BAIAP2: variants seen among roughly 807,000 people sequenced by gnomAD.
BAIAP2 encodes the protein BAR/IMD domain-containing adapter protein 2.
A neutral mutation model predicts 63.0 loss-of-function variants in BAIAP2; 18 were observed. The ratio of observed to expected loss-of-function variants is 0.29; its 90% CI spans 0.20 to 0.42. The LOEUF is 0.42. BAIAP2 is among the 10% of genes least tolerant of loss of function. The probability of loss-of-function intolerance (pLI) is 1.00; values close to 1 mark genes in which losing one functional copy is unlikely to be tolerated. For synonymous variants in BAIAP2, 386 were observed against 307.6 expected, an observed-to-expected ratio of 1.25 and a Z score of -2.67; for missense variants, 610 against 734.3, an observed-to-expected ratio of 0.83 and a Z score of 1.96.
Position 81,092,695 on chromosome 17 carries a change from G to A in BAIAP2, c.489+6115G>A, listed in dbSNP as rs188322914. Among the ~76,000 whole-genome samples the A allele has an allele frequency of 7.9e-5, 12 of 152,162 alleles. No individual in the cohort carries two copies. In the East Asian group the frequency reaches 1.4e-3, roughly 17 times the overall value. ...CGTAAGGGGCCCGGCCCGGAGCACC[G>A]CCCTGACGGCCTTGGGCAGCGGCAC... On this transcript the variant is annotated intron_variant, in intron 6 of 13. Coordinates refer to ENST00000428708, the MANE Select transcript of BAIAP2 (RefSeq NM_001144888.2).
chr17:81,042,058 T>A (rs2047148787), intron 1 of BAIAP2, among the ~76,000 whole-genome samples: 1 of 152,004 alleles, frequency 6.6e-6, no homozygotes, highest in Admixed American at 6.6e-5. Context: ...CCAGAACACC[T>A]CCTGAGTATG....
chr17:81,085,548 C>A, intron 4 of BAIAP2, 106 bp from the exon 5 acceptor site: 1 of 933,246 alleles, frequency 1.1e-6, no homozygotes, highest in Non-Finnish European at 1.7e-6. Flanking sequence ...CCTGCACAGC[C>A]GGGACACCCG....
intron 1 of BAIAP2, among the ~76,000 whole-genome samples, chr17:81,047,991 A>G (rs893375097): frequency 1.3e-5 from 2 of 152,128 alleles, no homozygotes; most frequent in Non-Finnish European, 2.9e-5. Flanking sequence ...GAGGTGGGGG[A>G]CACTCTCTGT....
rs778561661 is a variant in BAIAP2 at position 81,115,742 on chromosome 17, AAATT to A, written c.1536-25_1536-22del. 7.4e-6 allele frequency: 12 copies of A among 1,613,372 alleles called. No individual in the cohort carries two copies. In the South Asian group the frequency reaches 1.2e-4, roughly 16 times the overall value. ...AATTCACCCATGGCTTCCGCCCTAA[AAATT>A]AAAACCACGTTTTTCTCTTTCAGGA... is the stretch of plus-strand genomic sequence containing the variant. On this transcript the variant is annotated intron_variant, in intron 13 of 13. Coordinates refer to ENST00000428708, the MANE Select transcript of BAIAP2 (RefSeq NM_001144888.2).
At chr17:81,042,607 G>A (rs1208101317) in intron 1 of BAIAP2, among the ~76,000 whole-genome samples, 2 of 152,036 alleles carry the variant, frequency 1.3e-5, no homozygotes, top group Admixed American at 1.3e-4. Context: ...CCAGGTGACC[G>A]CCTGCTTGTC....
intron 3 of BAIAP2, among the ~76,000 whole-genome samples, chr17:81,077,964 A>G (rs1274116974): frequency 7.1e-6 from 1 of 141,560 alleles, no homozygotes; most frequent in Non-Finnish European, 1.5e-5. Context: ...ATTGGGTGGG[A>G]GCCGGACGCT....
At chr17:81,056,743 C>T (rs367909225) in intron 2 of BAIAP2, among the ~76,000 whole-genome samples, 10 of 152,248 alleles carry the variant, frequency 6.6e-5, no homozygotes, top group African/African-American at 1.7e-4. Context: ...TGAGCTCGGC[C>T]GTCCAGGCAG....
intron 3 of BAIAP2, among the ~76,000 whole-genome samples, chr17:81,062,173 A>C (rs2050670472): frequency 1.3e-5 from 2 of 150,966 alleles, no homozygotes; most frequent in Non-Finnish European, 3.0e-5. Flanking sequence ...CTGCTCTCAA[A>C]CTCCTGCTCT....
chr17:81,093,393 C>T (rs1387615155), intron 6 of BAIAP2, among the ~76,000 whole-genome samples: 2 of 145,544 alleles, frequency 1.4e-5, no homozygotes, highest in African/African-American at 5.0e-5. Flanking sequence ...GACAGAGATG[C>T]CCGGGGCTAC....
intron 3 of BAIAP2, among the ~76,000 whole-genome samples, chr17:81,075,419 G>A (rs1033223831): frequency 7.9e-5 from 12 of 152,216 alleles, no homozygotes; most frequent in Admixed American, 3.3e-4. Context: ...TGAAGCGATC[G>A]GAAGGAGCTC....
chr17:81,089,800 C>T (rs1598729260), intron 6 of BAIAP2, among the ~76,000 whole-genome samples: 1 of 152,128 alleles, frequency 6.6e-6, no homozygotes, highest in Admixed American at 6.5e-5. Flanking sequence ...GGGCGGGGAC[C>T]ATGTGGGCGG....
rs921089995 is a variant in BAIAP2, at chr17:81,046,421, A to G, written c.55-7247A>G. Among the ~76,000 whole-genome samples, 3 of 151,950 alleles carry G rather than the reference A, an allele frequency of 2.0e-5. No individual in the cohort carries two copies. The highest frequency in any genetic ancestry group is 3.9e-4 in the East Asian group (2 of 5,172). ...GAAGGATCCTCCAGGACAGATGTCC[A>G]AGTGTTTAGAGGGGACAGGACTGTC... On this transcript the variant is annotated intron_variant, in intron 1 of 13. Coordinates refer to ENST00000428708, the MANE Select transcript of BAIAP2 (RefSeq NM_001144888.2). The surrounding 1 kb of genome is among the most constrained non-coding windows in gnomAD (Gnocchi z 4.5).
chr17:81,053,035 C>T (rs142430721), intron 1 of BAIAP2, among the ~76,000 whole-genome samples: 272 of 152,222 alleles, frequency 1.8e-3, no homozygotes, highest in Non-Finnish European at 2.8e-3. Context: ...CTGTTTTTAT[C>T]CCTTGTAATT....
chr17:81,037,078 C>A (rs555957396), intron 1 of BAIAP2: 1 of 864,926 alleles, frequency 1.2e-6, no homozygotes, highest in Non-Finnish European at 1.8e-6. Context: ...ATCTGCAGGT[C>A]TAAGTGAAAT....
chr17:81,056,259 T>C (rs1286181477), intron 2 of BAIAP2: 1 of 152,246 alleles, frequency 6.6e-6, no homozygotes, highest in Non-Finnish European at 1.5e-5. Flanking sequence ...CCGTGCCCTG[T>C]GAATGAGACC....
intron 3 of BAIAP2, among the ~76,000 whole-genome samples, chr17:81,058,281 C>T (rs1332066163): frequency 2.0e-5 from 3 of 152,090 alleles, no homozygotes; most frequent in African/African-American, 4.8e-5. Flanking sequence ...GATTAGATGG[C>T]GTGGGAATTC....
chr17:81,057,862 C>T lies in BAIAP2; in HGVS notation c.131-19C>T, dbSNP rs752466717. Reference sequence around the variant, plus strand: ...GTCCCTCGTGGAGGAAATAACTGCTCCCTTTTCTTCTCTCTCAGGTGTGAC... The same window carrying T: ...GTCCCTCGTGGAGGAAATAACTGCTTCCTTTTCTTCTCTCTCAGGTGTGAC... On this transcript the variant is annotated intron_variant, in intron 2 of 13. Transcript: ENST00000428708. 1 of 1,605,398 alleles carries T rather than the reference C, an allele frequency of 6.2e-7. No individual in the cohort carries two copies. The highest frequency in any genetic ancestry group is 8.5e-7 in the Non-Finnish European group (1 of 1,174,978).
chr17:81,078,354 T>G (rs1468784096), intron 3 of BAIAP2, among the ~76,000 whole-genome samples: 389 of 79,816 alleles, frequency 4.9e-3, no homozygotes, highest in Middle Eastern at 8.8e-3. Context: ...GGGTGCAGGT[T>G]CCACCTCGGA....
At chr17:81,115,658 C>T (rs1224554147) in intron 13 of BAIAP2, 112 bp from the exon 14 acceptor site, 65 of 1,270,586 alleles carry the variant, frequency 5.1e-5, no homozygotes, top group African/African-American at 7.3e-5. Flanking sequence ...GCCCTGAGAT[C>T]GGACCGTAGG....
Sources: allele counts gnomAD v4.1 joint callset (sites outside exome capture counted in the v4.1 genomes callset), GRCh38; gene constraint gnomAD v4.1.1; non-coding constraint Gnocchi (gnomAD v3.1); transcripts MANE v1.5; gene names NCBI Gene and HGNC (gene_info 2026-07-23, HGNC 2026-07-21).